CCDC6: variants seen among roughly 807,000 people sequenced by gnomAD.
CCDC6 encodes the protein coiled-coil domain-containing protein 6.
Under a neutral mutation model 56.6 loss-of-function variants are expected in CCDC6, and 20 were observed. The ratio of observed to expected loss-of-function variants is 0.35; its 90% CI spans 0.25 to 0.51. The LOEUF is 0.51. CCDC6 is among the 20% of genes least tolerant of loss of function. CCDC6 has a pLI of 0.95. For synonymous variants in CCDC6, 241 were observed against 234.4 expected (o/e 1.03, Z -0.26); for missense variants, 367 against 601.1 (o/e 0.61, Z 4.07).
At chr10:59,865,982 G>A (rs1233161034) in intron 1 of CCDC6, among the ~76,000 whole-genome samples, 1 of 151,908 alleles carries the variant, frequency 6.6e-6, no homozygotes, top group South Asian at 2.1e-4. Context: ...TGGGCAGGGT[G>A]AACCTCAACA....
At chr10:59,825,852 C>T (rs2070783845) in intron 3 of CCDC6, among the ~76,000 whole-genome samples, 1 of 152,178 alleles carries the variant, frequency 6.6e-6, no homozygotes, top group African/African-American at 2.4e-5. Flanking sequence ...CCTGATAAGA[C>T]TTTAAAATAT....
At chr10:59,818,503 G>T (rs374013152) in intron 3 of CCDC6, among the ~76,000 whole-genome samples, 8 of 139,714 alleles carry the variant, frequency 5.7e-5, no homozygotes, top group Admixed American at 2.1e-4. Flanking sequence ...GACGGGGGGG[G>T]GGGAAGCAGA....
At chr10:59,852,415 C>A in intron 2 of CCDC6, 138 bp downstream of exon 2, 1 of 628,566 alleles carries the variant, frequency 1.6e-6, no homozygotes. Context: ...GCCACCCTTA[C>A]CTGGTATTTT....
At chr10:59,878,841 T>A (rs1038284074) in intron 1 of CCDC6, among the ~76,000 whole-genome samples, 1 of 151,932 alleles carries the variant, frequency 6.6e-6, no homozygotes, top group Non-Finnish European at 1.5e-5. Context: ...TTTCAGAAAA[T>A]TTTTTTTCAT....
intron 1 of CCDC6, among the ~76,000 whole-genome samples, chr10:59,863,982 A>C (rs911896341): frequency 6.6e-6 from 1 of 152,184 alleles, no homozygotes; most frequent in Admixed American, 6.5e-5. Flanking sequence ...CCAACTTATA[A>C]ATGCTCTAAA....
At chr10:59,859,649 G>C (rs2071110716) in intron 1 of CCDC6, among the ~76,000 whole-genome samples, 1 of 152,056 alleles carries the variant, frequency 6.6e-6, no homozygotes, top group Non-Finnish European at 1.5e-5. Flanking sequence ...TGGAAAATGA[G>C]AAAGATTATC....
At position 59,791,140 on chromosome 10, in the gene CCDC6, A is replaced by G. The variant is rs1394985401; in HGVS notation, c.*1777T>C. 5.0e-6 allele frequency: 1 copy of G among 198,510 alleles called. No individual in the cohort carries two copies. The highest frequency in any genetic ancestry group is 2.3e-5 in the African/African-American group (1 of 43,426). The allele number at this position is 198,510 out of a possible 1,614,324, so 12.3% of individuals were successfully genotyped here. On this transcript the variant is annotated 3_prime_UTR_variant, in exon 9 of 9. Coordinates refer to ENST00000263102, the MANE Select transcript of CCDC6 (RefSeq NM_005436.5). Reference sequence around the variant, plus strand: ...ACATCAAAAACCTAAAGCCTCAATGATTAAATGCCAAACTTCTTCCCTGCA... The same window carrying G: ...ACATCAAAAACCTAAAGCCTCAATGGTTAAATGCCAAACTTCTTCCCTGCA...
chr10:59,833,420 G>A (rs2070850110), intron 2 of CCDC6, among the ~76,000 whole-genome samples: 1 of 152,110 alleles, frequency 6.6e-6, no homozygotes, highest in Admixed American at 6.6e-5. Context: ...TTGCACTCCA[G>A]CTTGGACAAC....
intron 1 of CCDC6, among the ~76,000 whole-genome samples, chr10:59,868,741 A>G (rs1276018551): frequency 6.6e-6 from 1 of 152,226 alleles, no homozygotes; most frequent in African/African-American, 2.4e-5. Flanking sequence ...ACTTTGGTAC[A>G]TGCTAAGCAG....
chr10:59,870,556 T>C (rs1027094387), intron 1 of CCDC6, among the ~76,000 whole-genome samples: 23 of 144,464 alleles, frequency 1.6e-4, no homozygotes, highest in African/African-American at 5.7e-4. Context: ...TTCTTCATCC[T>C]CTTTTTGAAA....
In CCDC6 at chr10:59,871,645, G is replaced by A. The variant is rs552570517; in HGVS notation, c.304-18943C>T. Among the ~76,000 whole-genome samples the A allele has an allele frequency of 1.7e-4, 26 of 152,054 alleles. 1 individual carries two copies. The highest frequency in any genetic ancestry group is 5.8e-4 in the East Asian group (3 of 5,170). On this transcript the variant is annotated intron_variant, in intron 1 of 8. Transcript: ENST00000263102. ...AGCTAATCAGGAGACCTTAGCCCTCGTCCTGGTTTTGCTGTTAACTCTTAA... is the reference window on the plus strand; with the variant it reads ...AGCTAATCAGGAGACCTTAGCCCTCATCCTGGTTTTGCTGTTAACTCTTAA...
At chr10:59,879,733 T>C (rs1200490392) in intron 1 of CCDC6, among the ~76,000 whole-genome samples, 1 of 152,142 alleles carries the variant, frequency 6.6e-6, no homozygotes, top group Non-Finnish European at 1.5e-5. Context: ...AAAAAGAACC[T>C]TTGCTTCCCT....
In CCDC6 at chr10:59,791,978, T is replaced by A. The variant is rs1185324945; in HGVS notation, c.*939A>T. ...GCGATAATGTCCATTTCAAATAGTA[T>A]TTTCTAATGGTATTTTGCACCTTTA... On this transcript the variant is annotated 3_prime_UTR_variant, in exon 9 of 9. Coordinates refer to ENST00000263102, the MANE Select transcript of CCDC6 (RefSeq NM_005436.5). The A allele has an allele frequency of 9.0e-6, 2 of 221,534 alleles. No homozygotes were observed. Among genetic ancestry groups the A allele is most frequent in the African/African-American group, 4.5e-5 (2 of 44,706 alleles). 13.7% of individuals were successfully genotyped at this position (221,534 alleles called of 1,614,324 possible). A position where few individuals can be genotyped will look rare whatever the true frequency, so the allele number is the denominator to read the frequency against.
intron 2 of CCDC6, among the ~76,000 whole-genome samples, chr10:59,847,855 A>C (rs887598981): frequency 1.5e-5 from 2 of 131,828 alleles, no homozygotes. Flanking sequence ...CCTAATGTAC[A>C]TGTTATACAG....
intron 2 of CCDC6, among the ~76,000 whole-genome samples, chr10:59,850,268 C>T (rs926821800): frequency 2.0e-4 from 31 of 152,148 alleles, no homozygotes; most frequent in African/African-American, 7.0e-4. Flanking sequence ...ACAGTGCTGA[C>T]GGCTGCACAA....
chr10:59,877,839 A>C (rs2071297906), intron 1 of CCDC6, among the ~76,000 whole-genome samples: 1 of 152,236 alleles, frequency 6.6e-6, no homozygotes, highest in South Asian at 2.1e-4. Flanking sequence ...GCCAAGCAAC[A>C]ACAACAAAAA....
intron 5 of CCDC6, among the ~76,000 whole-genome samples, chr10:59,810,517 C>T (rs775747693): frequency 6.6e-5 from 10 of 152,130 alleles, no homozygotes; most frequent in Non-Finnish European, 1.0e-4. Flanking sequence ...ACTGACAGCA[C>T]GGGAAAAAGT....
chr10:59,877,533 C>T (rs539776593), intron 1 of CCDC6, among the ~76,000 whole-genome samples: 5 of 152,200 alleles, frequency 3.3e-5, no homozygotes, highest in African/African-American at 9.6e-5. Context: ...AGTGGAAACC[C>T]GCACCAGGTC....
chr10:59,837,769 A>AAAAAAAC (rs2070896821), intron 2 of CCDC6, among the ~76,000 whole-genome samples: 1 of 146,898 alleles, frequency 6.8e-6, no homozygotes, highest in Non-Finnish European at 1.5e-5. Flanking sequence ...AAAAAAAAAA[A>AAAAAAAC]AGAAAGAAGA....
Sources: gnomAD v4.1 joint callset for allele counts (sites outside exome capture counted in the v4.1 genomes callset) on GRCh38, gnomAD v4.1.1 for gene constraint, MANE v1.5 for transcripts, NCBI Gene and HGNC (gene_info 2026-07-23, HGNC 2026-07-21) for gene names.